CDH22: variants seen among roughly 807,000 people sequenced by gnomAD.
The protein encoded by CDH22 is cadherin 22.
A neutral mutation model predicts 58.4 loss-of-function variants in CDH22; 30 were observed. The observed-to-expected ratio is 0.51, with a 90% CI of 0.38 to 0.70. The LOEUF is 0.70. Among genes scored for constraint, CDH22 ranks in the 30% least tolerant of loss-of-function variants. The probability of loss-of-function intolerance (pLI) is 0.00; values close to 1 mark genes in which losing one functional copy is unlikely to be tolerated. For synonymous variants in CDH22, 513 were observed against 558.2 expected (o/e 0.92, Z 1.14); for missense variants, 1,014 against 1,233.9 (o/e 0.82, Z 2.67).
intron 4 of CDH22, 86 bp downstream of exon 4, chr20:46,227,422 A>C: frequency 7.8e-7 from 1 of 1,285,828 alleles, no homozygotes; most frequent in Non-Finnish European, 1.1e-6. Context: ...CAGAAGGCTC[A>C]GAGCAGACGT....
chr20:46,202,355 ATTT>A (rs3082933), intron 7 of CDH22, among the ~76,000 whole-genome samples: 1 of 141,790 alleles, frequency 7.1e-6, no homozygotes, highest in African/African-American at 2.6e-5. Flanking sequence ...CCAGAGTTTA[ATTT>A]TTTTTTTTTT....
chr20:46,182,914 G>C (rs1253653916), intron 10 of CDH22, among the ~76,000 whole-genome samples: 1 of 152,226 alleles, frequency 6.6e-6, no homozygotes, highest in Non-Finnish European at 1.5e-5. Context: ...GACTGGAGGA[G>C]GAGGAGGCCT....
intron 10 of CDH22, among the ~76,000 whole-genome samples, chr20:46,185,048 T>C (rs1288116161): frequency 2.0e-5 from 3 of 151,742 alleles, no homozygotes; most frequent in Admixed American, 2.0e-4. Context: ...ATCGCACCAC[T>C]GCACTCCAGC....
At chr20:46,175,657 C>T (rs1365723414) in intron 11 of CDH22, among the ~76,000 whole-genome samples, 2 of 152,238 alleles carry the variant, frequency 1.3e-5, no homozygotes, top group South Asian at 2.1e-4. Flanking sequence ...GGGCTCCTTC[C>T]TCTATCATAC....
At position 46,283,427 on chromosome 20, in the gene CDH22, C is replaced by T. The variant is rs1002626567; in HGVS notation, c.-400+24828G>A. Among the ~76,000 whole-genome samples the T allele has an allele frequency of 3.3e-5, 5 of 152,122 alleles. No individual in the cohort carries two copies. The East Asian group carries it at 7.7e-4, about 23-fold the overall frequency. ...CTGCAGTAATGATAGGAACTGCCCC[C>T]GGGGCTATGGTGAGGATGAAGAGGG... is the stretch of plus-strand genomic sequence containing the variant. On this transcript the variant is annotated intron_variant, in intron 1 of 11. Coordinates refer to ENST00000537909, the MANE Select transcript of CDH22 (RefSeq NM_021248.3).
chr20:46,276,617 T>C (rs7269859), intron 1 of CDH22, among the ~76,000 whole-genome samples: 3,260 of 152,320 alleles, frequency 0.021, 74 homozygotes, highest in African/African-American at 0.055. Context: ...AGGAAGGAAC[T>C]GCTGGCATCC....
intron 1 of CDH22, among the ~76,000 whole-genome samples, chr20:46,269,286 T>G (rs1353561452): frequency 6.6e-6 from 1 of 152,098 alleles, no homozygotes; most frequent in African/African-American, 2.4e-5. Context: ...TCACAGAATA[T>G]CAAAGCTGGA....
chr20:46,244,254 G>T (rs984958868), intron 2 of CDH22, among the ~76,000 whole-genome samples: 3 of 152,198 alleles, frequency 2.0e-5, no homozygotes, highest in African/African-American at 7.2e-5. Flanking sequence ...GTCATCTTCT[G>T]TGGAATATGA....
At chr20:46,238,612 T>C (rs1333956804) in intron 3 of CDH22, among the ~76,000 whole-genome samples, 2 of 152,198 alleles carry the variant, frequency 1.3e-5, no homozygotes, top group Non-Finnish European at 2.9e-5. Context: ...TAAATGGAAA[T>C]CCATCTATTT....
chr20:46,292,214 C>T (rs1293573436), intron 1 of CDH22, among the ~76,000 whole-genome samples: 1 of 152,212 alleles, frequency 6.6e-6, no homozygotes, highest in Non-Finnish European at 1.5e-5. Context: ...GGCTCCCTCC[C>T]CCAGGGTGAG....
intron 7 of CDH22, among the ~76,000 whole-genome samples, chr20:46,203,321 T>C (rs1175858795): frequency 3.0e-5 from 2 of 66,412 alleles, no homozygotes; most frequent in African/African-American, 1.3e-4. Context: ...CTGGCAAACT[T>C]AGGGGTGGAG....
intron 2 of CDH22, among the ~76,000 whole-genome samples, chr20:46,247,948 G>A (rs2425801): frequency 0.38 from 57,347 of 151,738 alleles, 11,106 homozygotes; most frequent in Middle Eastern, 0.6. Context: ...GGCAATGTGG[G>A]GACTGGTTGC....
chr20:46,233,675 G>A (rs1191738687), intron 3 of CDH22, among the ~76,000 whole-genome samples: 2 of 152,128 alleles, frequency 1.3e-5, no homozygotes, highest in Non-Finnish European at 2.9e-5. Context: ...ATTTGTTGAT[G>A]GAAAAGACAA....
At chr20:46,218,299 A>G (rs1237135508) in intron 4 of CDH22, among the ~76,000 whole-genome samples, 1 of 152,144 alleles carries the variant, frequency 6.6e-6, no homozygotes, top group African/African-American at 2.4e-5. Context: ...ACACAACACA[A>G]AAGCAACTGT....
intron 1 of CDH22, among the ~76,000 whole-genome samples, chr20:46,293,639 T>A (rs2086615541): frequency 6.6e-6 from 1 of 152,192 alleles, no homozygotes; most frequent in Admixed American, 6.5e-5. Context: ...CAGATCTCAG[T>A]TCCTGGTTTT....
At chr20:46,289,131 C>G (rs892921196) in intron 1 of CDH22, among the ~76,000 whole-genome samples, 7 of 152,174 alleles carry the variant, frequency 4.6e-5, no homozygotes, top group Non-Finnish European at 8.8e-5. Context: ...TATGATCCCA[C>G]CTTTGGGCCT....
rs1255017718 is a variant in CDH22, at chr20:46,308,141, C to T, written c.-400+114G>A. On this transcript the variant is annotated intron_variant, in intron 1 of 11. Transcript: ENST00000537909. The surrounding 1 kb of genome is among the most constrained non-coding windows in gnomAD (Gnocchi z 4.3). Reference sequence around the variant, plus strand: ...GGCTCCTCCTGCGGCTGGAGGCTCGCCCCCCGCGCCGCCTGCCCGGCCGCT... The same window carrying T: ...GGCTCCTCCTGCGGCTGGAGGCTCGTCCCCCGCGCCGCCTGCCCGGCCGCT... 6.6e-6 allele frequency: 1 copy of T among 150,978 alleles called. No individual in the cohort carries two copies. Among genetic ancestry groups the T allele is most frequent in the African/African-American group, 2.4e-5 (1 of 41,294 alleles). The allele number at this position is 150,978 out of a possible 1,614,324, so 9.4% of individuals were successfully genotyped here.
At chr20:46,180,897 C>T (rs2085779374) in intron 10 of CDH22, among the ~76,000 whole-genome samples, 1 of 149,870 alleles carries the variant, frequency 6.7e-6, no homozygotes. Context: ...CCATGCTCAG[C>T]TAATTTTTTT....
intron 5 of CDH22, 106 bp from the exon 6 acceptor site, chr20:46,213,294 C>T (rs2086058426): frequency 1.3e-6 from 1 of 751,440 alleles, no homozygotes; most frequent in Non-Finnish European, 2.2e-6. Context: ...CTATGGAGGA[C>T]AGTGCCTGAA....
Sources: gnomAD v4.1 joint callset for allele counts (sites outside exome capture counted in the v4.1 genomes callset) on GRCh38, gnomAD v4.1.1 for gene constraint, Gnocchi (gnomAD v3.1) non-coding constraint, MANE v1.5 for transcripts, NCBI Gene and HGNC (gene_info 2026-07-23, HGNC 2026-07-21) for gene names.